Variants in TMPRSS3 observed in about 807,000 individuals in gnomAD.
TMPRSS3 encodes the protein transmembrane serine protease 3.
A neutral mutation model predicts 59.6 loss-of-function variants in TMPRSS3; 55 were observed. The ratio of observed to expected loss-of-function variants is 0.92; its 90% confidence interval spans 0.74 to 1.16. TMPRSS3 has a LOEUF of 1.16. Ranked by LOEUF, TMPRSS3 falls within the 50% of genes most tolerant of loss-of-function variation. TMPRSS3 has a pLI of 0.00. For missense variants in TMPRSS3, 596 were observed against 579.4 expected (o/e 1.03, Z -0.29); for synonymous variants, 257 against 237.7 (o/e 1.08, Z -0.75).
chr21:42,385,673 T>A, intron 5 of TMPRSS3, 139 bp from the exon 6 acceptor site: 1 of 1,143,008 alleles, frequency 8.7e-7, no homozygotes, highest in Non-Finnish European at 1.3e-6. Flanking sequence ...AAAGGCTTCC[T>A]TTGCCAAGAG....
rs567503320 is a variant in TMPRSS3, at chr21:42,389,017, T to C, written c.234A>G (p.Arg78=). ...GIHFDCSGKY[R]CRSSFKCIEL... ...CGATACACTTAAAGGATGAGCGACATCTGTACTTCCCTGAGCAGTCGAAGT... is the reference window on the plus strand; with the variant it reads ...CGATACACTTAAAGGATGAGCGACACCTGTACTTCCCTGAGCAGTCGAAGT... The change falls in exon 4 of 13, where the codon AGA becomes AGG. Residue 78 remains arginine, a synonymous_variant. Transcript: ENST00000644384. 6.2e-6 allele frequency: 10 copies of C among 1,614,170 alleles called. No individual in the cohort carries two copies. In the South Asian group the frequency reaches 8.8e-5, roughly 14 times the overall value.
At chr21:42,383,008 T>C in intron 8 of TMPRSS3, 25 bp downstream of exon 8, 2 of 1,613,606 alleles carry the variant, frequency 1.2e-6, no homozygotes, top group South Asian at 1.1e-5. Flanking sequence ...AACAGGGGTC[T>C]GGGAAGATGG....
At chr21:42,384,777 A>G (rs2052596116) in intron 6 of TMPRSS3, among the ~76,000 whole-genome samples, 1 of 152,100 alleles carries the variant, frequency 6.6e-6, no homozygotes, top group Non-Finnish European at 1.5e-5. Flanking sequence ...TTGGGCCTAG[A>G]TGTCAGGGAG....
Position 42,388,299 on chromosome 21 carries a change from G to T in TMPRSS3, c.446+104C>A. The T allele has an allele frequency of 6.7e-7, 1 of 1,485,042 alleles. No homozygotes were observed. 92.0% of individuals were successfully genotyped at this position (1,485,042 alleles called of 1,614,324 possible). On this transcript the variant is annotated intron_variant, in intron 5 of 12. Transcript: ENST00000644384. This position sits in a 1 kb window ranked among gnomAD's most constrained non-coding sequence, Gnocchi z 5.1. ...AGGTGGATGTGAGGATGTAATCTGAGAGCGTTAAAGCACCCAATAGTGCCC... is the reference window on the plus strand; with the variant it reads ...AGGTGGATGTGAGGATGTAATCTGATAGCGTTAAAGCACCCAATAGTGCCC...
intron 2 of TMPRSS3, among the ~76,000 whole-genome samples, chr21:42,390,587 G>A (rs113810445): frequency 0.048 from 7,335 of 152,182 alleles, 587 homozygotes; most frequent in African/African-American, 0.17. Flanking sequence ...AATTAGCTGG[G>A]CATGATGGCA....
intron 6 of TMPRSS3, among the ~76,000 whole-genome samples, chr21:42,384,995 A>G (rs1298228164): frequency 2.5e-5 from 3 of 119,534 alleles, no homozygotes; most frequent in South Asian, 2.8e-4. Context: ...ATAAATTTCT[A>G]TCTTAATTTC....
intron 6 of TMPRSS3, among the ~76,000 whole-genome samples, chr21:42,385,017 C>A (rs989824642): frequency 1.3e-5 from 2 of 151,720 alleles, no homozygotes; most frequent in Admixed American, 6.6e-5. Flanking sequence ...GTTTTTCTTC[C>A]TTTTACCCTC....
intron 5 of TMPRSS3, among the ~76,000 whole-genome samples, chr21:42,387,181 T>C (rs1367421791): frequency 6.6e-6 from 1 of 152,026 alleles, no homozygotes; most frequent in African/African-American, 2.4e-5. Context: ...GGGATTGAGC[T>C]GAGTTTTTCT....
rs574470584 is a variant in TMPRSS3, at chr21:42,382,688, G to A, written c.782+345C>T. 162 of 427,196 alleles carry A rather than the reference G, an allele frequency of 3.8e-4. 2 individuals are homozygous for A. The highest frequency in any genetic ancestry group is 2.0e-3 in the South Asian group (90 of 44,114). The allele number at this position is 427,196 out of a possible 1,614,324, so 26.5% of individuals were successfully genotyped here. ...ATTCCCTCTAGCCTCCCGCACCACC[G>A]TCTCACCCTGTCTCTGCCATAACAT... On this transcript the variant is annotated intron_variant, in intron 8 of 12. Transcript: ENST00000644384.
At position 42,395,373 on chromosome 21, in the gene TMPRSS3, G is replaced by A. The variant is rs1329323088; in HGVS notation, c.45C>T (p.Phe15=). The A allele has an allele frequency of 6.2e-7, 1 of 1,614,056 alleles. No individual in the cohort carries two copies. The highest frequency in any genetic ancestry group is 8.5e-7 in the Non-Finnish European group (1 of 1,180,050). ...AATCATCAAGGCCAAAAAGCGATCGGAATGAGAAGGGGGCTTCAACAGCAG... is the reference window on the plus strand; with the variant it reads ...AATCATCAAGGCCAAAAAGCGATCGAAATGAGAAGGGGGCTTCAACAGCAG... ...DPPAVEAPFS[F]RSLFGLDDLK... is the part of the protein sequence containing the mutation. Residue 15 remains phenylalanine (F), a synonymous_variant, in exon 2 of 13, where the codon TTC becomes TTT. Transcript: ENST00000644384.
In TMPRSS3 at chr21:42,388,298, A is replaced by C; in HGVS notation, c.446+105T>G. ...AAGGTGGATGTGAGGATGTAATCTGAGAGCGTTAAAGCACCCAATAGTGCC... is the reference window on the plus strand; with the variant it reads ...AAGGTGGATGTGAGGATGTAATCTGCGAGCGTTAAAGCACCCAATAGTGCC... On this transcript the variant is annotated intron_variant, in intron 5 of 12. Coordinates refer to ENST00000644384, the MANE Select transcript of TMPRSS3 (RefSeq NM_001256317.3). This position sits in a 1 kb window ranked among gnomAD's most constrained non-coding sequence, Gnocchi z 5.1. 2 of 1,477,256 alleles carry C rather than the reference A, an allele frequency of 1.4e-6. No individual in the cohort carries two copies. Among genetic ancestry groups the C allele is most frequent in the Non-Finnish European group, 9.4e-7 (1 of 1,058,996 alleles). 91.5% of individuals were successfully genotyped at this position (1,477,256 alleles called of 1,614,324 possible).
Position 42,390,021 on chromosome 21 carries a change from A to T in TMPRSS3, c.111T>A (p.Ala37=), listed in dbSNP as rs2052708666. Residue 37 remains alanine, a synonymous_variant, in exon 3 of 13, where the codon GCT becomes GCA. Transcript: ENST00000644384. The part of the protein sequence containing the change: ...SPVAPDADAV[A]AQILSLLPLK... ...ATGGCAGCAGTGACAGGATCTGTGC[A>T]GCAACAGCATCTGCATCTGAAAACC... The T allele has an allele frequency of 1.2e-6, 2 of 1,613,946 alleles. No individual in the cohort carries two copies. The highest frequency in any genetic ancestry group is 3.3e-5 in the Admixed American group (2 of 60,014).
chr21:42,375,280 G>C (rs1442570572), intron 12 of TMPRSS3, among the ~76,000 whole-genome samples: 1 of 137,336 alleles, frequency 7.3e-6, no homozygotes, highest in Non-Finnish European at 1.5e-5. Flanking sequence ...CCTGACTGCT[G>C]CCTCTCATCC....
chr21:42,372,218 AG>A lies in TMPRSS3; in HGVS notation c.*543del. 2.3e-6 allele frequency: 1 copy of A among 444,186 alleles called. No individual in the cohort carries two copies. Among genetic ancestry groups the A allele is most frequent in the African/African-American group, 2.0e-5 (1 of 49,678 alleles). 27.5% of individuals were successfully genotyped at this position (444,186 alleles called of 1,614,324 possible). A position where few individuals can be genotyped will look rare whatever the true frequency, so the allele number is the denominator to read the frequency against. The stretch of plus-strand genomic sequence containing the variant: ...AGAAAACCAGATGGACCAGTGGGAA[AG>A]GCCGCCCTTGCAAGTTGCTGCTTCT... On this transcript the variant is annotated 3_prime_UTR_variant, in exon 13 of 13. Transcript: ENST00000644384.
At chr21:42,386,486 C>T (rs941575059) in intron 5 of TMPRSS3, among the ~76,000 whole-genome samples, 6 of 152,202 alleles carry the variant, frequency 3.9e-5, no homozygotes, top group South Asian at 2.1e-4. Context: ...GTGCAGGTGG[C>T]GGGGCTTGTG....
chr21:42,374,889 G>A (rs945857459), intron 12 of TMPRSS3, among the ~76,000 whole-genome samples: 6 of 151,826 alleles, frequency 4.0e-5, no homozygotes, highest in East Asian at 1.9e-4. Context: ...AAGCAAGGAC[G>A]TTGCTGGAGG....
In TMPRSS3 at chr21:42,388,611, A is replaced by G; in HGVS notation, c.323-85T>C. ...CAGGGGTTTCTCCACAGCCAGCTCA[A>G]ACCCCTCCTCTGCCAAATCTGACCC... On this transcript the variant is annotated intron_variant, in intron 4 of 12. Transcript: ENST00000644384. The surrounding 1 kb of genome is among the most constrained non-coding windows in gnomAD (Gnocchi z 5.1). The G allele has an allele frequency of 6.2e-7, 1 of 1,601,054 alleles. No individual in the cohort carries two copies. Among genetic ancestry groups the G allele is most frequent in the Admixed American group, 1.7e-5 (1 of 59,964 alleles).
intron 7 of TMPRSS3, 52 bp downstream of exon 7, chr21:42,383,918 G>A (rs1568884268): frequency 1.3e-6 from 2 of 1,592,018 alleles, no homozygotes; most frequent in Non-Finnish European, 1.7e-6. Context: ...AAGGAGATAG[G>A]ACTTAGCATG....
Position 42,396,047 on chromosome 21 carries a change from T to C in TMPRSS3, c.-157A>G, listed in dbSNP as rs746981844. On this transcript the variant is annotated 5_prime_UTR_variant, in exon 1 of 13. An upstream start codon of the reference 5' UTR is lost. Transcript: ENST00000644384. ...AGCCCTTTCCTGGCTCACACGGGCA[T>C]GACCTAATTAAGAACGAAAGTACCC... The C allele has an allele frequency of 3.9e-6, 2 of 518,990 alleles. No individual in the cohort carries two copies. Among genetic ancestry groups the C allele is most frequent in the Admixed American group, 1.9e-5 (1 of 51,598 alleles). The allele number at this position is 518,990 out of a possible 1,614,324, so 32.1% of individuals were successfully genotyped here. A position where few individuals can be genotyped will look rare whatever the true frequency, so the allele number is the denominator to read the frequency against.
Sources: gnomAD v4.1 joint callset for allele counts (sites outside exome capture counted in the v4.1 genomes callset) on GRCh38, gnomAD v4.1.1 for gene constraint, Gnocchi (gnomAD v3.1) non-coding constraint, MANE v1.5 for transcripts, NCBI Gene and HGNC (gene_info 2026-07-23, HGNC 2026-07-21) for gene names.